The following CD2AP variants were observed in gnomAD, a reference collection of about 807,000 sequenced individuals.
CD2AP encodes CD2-associated protein.
A neutral mutation model predicts 85.1 loss-of-function variants in CD2AP; 46 were observed. That is an observed-to-expected ratio of 0.54 (90% CI 0.43 to 0.69). The LOEUF (loss-of-function observed/expected upper bound fraction) is 0.69, where lower values mean the gene tolerates loss of function less well. Among genes scored for constraint, CD2AP ranks in the 30% least tolerant of loss-of-function variants. The pLI, the probability that CD2AP is intolerant of heterozygous loss-of-function variation, is 0.00. For synonymous variants in CD2AP, 255 were observed against 252.9 expected (o/e 1.01, Z -0.08); for missense variants, 769 against 729.5 (o/e 1.05, Z -0.62).
chr6:47,587,687 A>T (rs1043491482), intron 11 of CD2AP, among the ~76,000 whole-genome samples: 1 of 152,188 alleles, frequency 6.6e-6, no homozygotes, highest in Non-Finnish European at 1.5e-5. Context: ...GGAGGAACTC[A>T]TAATTATTTT....
At chr6:47,603,924 G>T (rs933313140) in intron 13 of CD2AP, among the ~76,000 whole-genome samples, 1 of 151,966 alleles carries the variant, frequency 6.6e-6, no homozygotes, top group Admixed American at 6.6e-5. Flanking sequence ...TACTGAAAGT[G>T]TACATGTCTG....
intron 11 of CD2AP, among the ~76,000 whole-genome samples, chr6:47,593,960 CA>C (rs1768867669): frequency 6.6e-6 from 1 of 151,856 alleles, no homozygotes; most frequent in Non-Finnish European, 1.5e-5. Flanking sequence ...TATTCAGTCA[CA>C]AAAAGGAATG....
At chr6:47,509,899 T>C (rs1766269972) in intron 2 of CD2AP, among the ~76,000 whole-genome samples, 1 of 152,162 alleles carries the variant, frequency 6.6e-6, no homozygotes, top group Non-Finnish European at 1.5e-5. Context: ...ATTTCAAAAA[T>C]AAGTTAAAAG....
At chr6:47,550,825 A>G (rs1767499217) in intron 4 of CD2AP, among the ~76,000 whole-genome samples, 2 of 152,232 alleles carry the variant, frequency 1.3e-5, no homozygotes, top group African/African-American at 4.8e-5. Context: ...CGTGGTATGT[A>G]TATATGTGCT....
intron 3 of CD2AP, among the ~76,000 whole-genome samples, chr6:47,543,565 C>G (rs1207920005): frequency 6.6e-6 from 1 of 152,222 alleles, no homozygotes; most frequent in Non-Finnish European, 1.5e-5. Context: ...TGCCCCTCTT[C>G]TGGCTTGTAG....
At chr6:47,509,939 T>C (rs1479063679) in intron 2 of CD2AP, among the ~76,000 whole-genome samples, 2 of 152,348 alleles carry the variant, frequency 1.3e-5, no homozygotes, top group South Asian at 2.1e-4. Flanking sequence ...ATAGTTCTCT[T>C]GAGTGTATGC....
intron 1 of CD2AP, among the ~76,000 whole-genome samples, chr6:47,491,321 G>A (rs987742089): frequency 6.6e-6 from 1 of 150,832 alleles, no homozygotes; most frequent in Middle Eastern, 3.4e-3. Flanking sequence ...TATAAAATCA[G>A]GAAATAAGTG....
At chr6:47,570,608 T>C (rs1004831012) in intron 5 of CD2AP, among the ~76,000 whole-genome samples, 6 of 34,172 alleles carry the variant, frequency 1.8e-4, no homozygotes, top group African/African-American at 3.8e-4. Context: ...GTGCTCTCTC[T>C]GTCACTTAAT....
chr6:47,548,857 G>C (rs543580762), intron 4 of CD2AP, among the ~76,000 whole-genome samples: 1 of 152,210 alleles, frequency 6.6e-6, no homozygotes, highest in East Asian at 1.9e-4. Context: ...AATACACCAC[G>C]ATCAAGTGGG....
rs775356238 is a variant in CD2AP at position 47,625,158 on chromosome 6, T to G, written c.*931T>G. The G allele has an allele frequency of 1.4e-4, 21 of 151,950 alleles. No homozygotes were observed. Among genetic ancestry groups the G allele is most frequent in the Non-Finnish European group, 2.4e-4 (16 of 67,810 alleles). 9.4% of individuals were successfully genotyped at this position (151,950 alleles called of 1,614,324 possible). ...AAATATTTCTCATTATCTTGTCACT[T>G]AGTTCTTCATGTTTCTCCTTCTGAC... On this transcript the variant is annotated 3_prime_UTR_variant, in exon 18 of 18. Transcript: ENST00000359314.
At chr6:47,612,028 GTGT>G (rs541942539) in intron 16 of CD2AP, among the ~76,000 whole-genome samples, 2 of 152,160 alleles carry the variant, frequency 1.3e-5, no homozygotes, top group East Asian at 3.9e-4. Flanking sequence ...GGATTTTAAT[GTGT>G]TATTTAATTT....
At chr6:47,517,717 A>G (rs571091697) in intron 2 of CD2AP, among the ~76,000 whole-genome samples, 2 of 152,306 alleles carry the variant, frequency 1.3e-5, no homozygotes, top group African/African-American at 4.8e-5. Context: ...TTTGATGGAT[A>G]TAGACAATCT....
chr6:47,619,345 T>C (rs560060391), intron 17 of CD2AP, among the ~76,000 whole-genome samples: 1 of 152,360 alleles, frequency 6.6e-6, no homozygotes, highest in South Asian at 2.1e-4. Context: ...ATTCCTGAGT[T>C]ACTTCATTAG....
chr6:47,617,151 G>T (rs1769614622), intron 17 of CD2AP, among the ~76,000 whole-genome samples: 1 of 151,994 alleles, frequency 6.6e-6, no homozygotes, highest in African/African-American at 2.4e-5. Context: ...TTTTTGTAGG[G>T]ACTGGTTCTC....
At position 47,607,968 on chromosome 6, in the gene CD2AP, A is replaced by G; in HGVS notation, c.1572A>G (p.Glu524=). The G allele has an allele frequency of 6.2e-7, 1 of 1,613,100 alleles. No homozygotes were observed. Among genetic ancestry groups the G allele is most frequent in the Non-Finnish European group, 8.5e-7 (1 of 1,179,304 alleles). ...AAAAAATCTTGAAGTTACCAAAAGA[A>G]GAAGACAGTGCCAACCTGAAGCCAT... ...SPEKILKLPK[E]EDSANLKPSE... is the part of the protein sequence containing the mutation. The change falls in exon 15 of 18, where the codon GAA becomes GAG. Residue 524 remains glutamate (E), a synonymous_variant. Coordinates refer to ENST00000359314, the MANE Select transcript of CD2AP (RefSeq NM_012120.3).
chr6:47,553,636 G>A (rs913501702), intron 4 of CD2AP, among the ~76,000 whole-genome samples: 6 of 151,594 alleles, frequency 4.0e-5, no homozygotes, highest in African/African-American at 1.5e-4. Context: ...AAAGCGCTGG[G>A]ATTATAGGCA....
At chr6:47,616,589 T>C (rs1402844819) in intron 17 of CD2AP, among the ~76,000 whole-genome samples, 8 of 152,218 alleles carry the variant, frequency 5.3e-5, no homozygotes, top group African/African-American at 1.4e-4. Flanking sequence ...GCAACTTCAC[T>C]ACTTTGCATG....
At chr6:47,619,162 T>C (rs1186421464) in intron 17 of CD2AP, among the ~76,000 whole-genome samples, 2 of 152,224 alleles carry the variant, frequency 1.3e-5, no homozygotes, top group African/African-American at 4.8e-5. Flanking sequence ...GAGATTTTAG[T>C]GCACCCATCA....
At chr6:47,490,378 A>G (rs1253082694) in intron 1 of CD2AP, among the ~76,000 whole-genome samples, 4 of 152,170 alleles carry the variant, frequency 2.6e-5, no homozygotes, top group Non-Finnish European at 5.9e-5. Flanking sequence ...GGTGAGTTCT[A>G]TAAAACTTTA....
Sources: allele counts gnomAD v4.1 joint callset (sites outside exome capture counted in the v4.1 genomes callset), GRCh38; gene constraint gnomAD v4.1.1; transcripts MANE v1.5; gene names NCBI Gene and HGNC (gene_info 2026-07-23, HGNC 2026-07-21).